Variants in SYT3 observed in about 807,000 individuals in gnomAD.
SYT3 encodes the protein synaptotagmin-3.
Under a neutral mutation model 50.6 loss-of-function variants are expected in SYT3, and 25 were observed. The ratio of observed to expected loss-of-function variants is 0.49; its 90% CI spans 0.36 to 0.69. SYT3 has a LOEUF of 0.69. Among genes scored for constraint, SYT3 ranks in the 30% least tolerant of loss-of-function variants. SYT3 has a pLI of 0.00. For missense variants in SYT3, 589 were observed against 793.6 expected (o/e 0.74, Z 3.10); for synonymous variants, 323 against 353.9 (o/e 0.91, Z 0.98).
intron 4 of SYT3, among the ~76,000 whole-genome samples, chr19:50,630,645 A>C (rs1984269079): frequency 2.0e-5 from 3 of 151,282 alleles, no homozygotes; most frequent in South Asian, 4.2e-4. Context: ...CTGGTCTTAA[A>C]CTCCTGACCT....
In SYT3 at chr19:50,625,015, C is replaced by T; in HGVS notation, c.1707+147G>A. 2.3e-6 allele frequency: 2 copies of T among 851,802 alleles called. No homozygotes were observed. The highest frequency in any genetic ancestry group is 3.2e-6 in the Non-Finnish European group (2 of 617,440). The allele number at this position is 851,802 out of a possible 1,614,324, so 52.8% of individuals were successfully genotyped here. On this transcript the variant is annotated intron_variant, in intron 9 of 10. Transcript: ENST00000600079. This position sits in a 1 kb window ranked among gnomAD's most constrained non-coding sequence, Gnocchi z 7.5. Reference sequence around the variant, plus strand: ...GAGCGCTTGGGTAACTGGCTCTAAGCCGCACAGCTAAAGTTGGCACAGCAG... The same window carrying T: ...GAGCGCTTGGGTAACTGGCTCTAAGTCGCACAGCTAAAGTTGGCACAGCAG...
chr19:50,657,318 C>G, the SYT3 span, among the ~76,000 whole-genome samples: 1 of 152,214 alleles, frequency 6.6e-6, no homozygotes, highest in Non-Finnish European at 1.5e-5. Flanking sequence ...ACTCTCCAGC[C>G]TCCCCTCTCA....
Position 50,625,080 on chromosome 19 carries a change from C to G in SYT3, c.1707+82G>C. 7.3e-7 allele frequency: 1 copy of G among 1,364,830 alleles called. No individual in the cohort carries two copies. The highest frequency in any genetic ancestry group is 9.5e-7 in the Non-Finnish European group (1 of 1,049,214). The allele number at this position is 1,364,830 out of a possible 1,614,324, so 84.5% of individuals were successfully genotyped here. On this transcript the variant is annotated intron_variant, in intron 9 of 10. Transcript: ENST00000600079. The surrounding 1 kb of genome is among the most constrained non-coding windows in gnomAD (Gnocchi z 7.5). Reference sequence around the variant, plus strand: ...GACGCCTGGCTCTGCGACTCACGAACATGCAGGGCGTTCGTTGCATGGATG... The same window carrying G: ...GACGCCTGGCTCTGCGACTCACGAAGATGCAGGGCGTTCGTTGCATGGATG...
chr19:50,643,882 G>C (rs1320928314), upstream of SYT3, among the ~76,000 whole-genome samples: 3 of 152,156 alleles, frequency 2.0e-5, no homozygotes, highest in African/African-American at 4.8e-5. Context: ...CTGTGTGTTT[G>C]AGAGAGGTCA....
rs1255294263 is a variant in SYT3, at chr19:50,639,340, G to A, written c.-153-178C>T. 2 of 152,182 alleles carry A rather than the reference G, an allele frequency of 1.3e-5. No individual in the cohort carries two copies. Among genetic ancestry groups the A allele is most frequent in the Non-Finnish European group, 2.9e-5 (2 of 68,070 alleles). The allele number at this position is 152,182 out of a possible 1,614,324, so 9.4% of individuals were successfully genotyped here. The stretch of plus-strand genomic sequence containing the variant: ...GCAGGTCTCGCGCTCGCGCTGCTGC[G>A]GCTTCATAGACCCGGCGCTGCAGGA... On this transcript the variant is annotated intron_variant, in intron 1 of 10. Coordinates refer to ENST00000600079, the MANE Select transcript of SYT3 (RefSeq NM_001160329.2). This position sits in a 1 kb window ranked among gnomAD's most constrained non-coding sequence, Gnocchi z 4.6.
the SYT3 span, among the ~76,000 whole-genome samples, chr19:50,651,510 T>A: frequency 1.3e-5 from 2 of 152,072 alleles, no homozygotes; most frequent in African/African-American, 4.8e-5. Context: ...CAGAGGTGTG[T>A]CTCATTCATC....
At chr19:50,635,380 C>A (rs1399402951) in intron 3 of SYT3, among the ~76,000 whole-genome samples, 3 of 152,152 alleles carry the variant, frequency 2.0e-5, no homozygotes, top group African/African-American at 7.2e-5. Flanking sequence ...TGATTCAGAC[C>A]CTGTCCAACT....
At chr19:50,641,125 C>T (rs891920535), upstream of SYT3, among the ~76,000 whole-genome samples, 1 of 150,902 alleles carries the variant, frequency 6.6e-6, no homozygotes, top group Admixed American at 6.6e-5. Context: ...TGTAGTCCCA[C>T]CTACGCAGGA....
chr19:50,644,116 G>A (rs149925214), upstream of SYT3, among the ~76,000 whole-genome samples: 1 of 152,346 alleles, frequency 6.6e-6, no homozygotes, highest in African/African-American at 2.4e-5. Flanking sequence ...CCAGCTGCCT[G>A]GCACAGTACC....
rs535762614 is a variant in SYT3 at position 50,632,932 on chromosome 19, C to T, written c.149-121G>A. On this transcript the variant is annotated intron_variant, in intron 3 of 10. Transcript: ENST00000600079. This position sits in a 1 kb window ranked among gnomAD's most constrained non-coding sequence, Gnocchi z 4.7. Reference sequence around the variant, plus strand: ...GCAATTGTCCATGCAATTGCAAGTGCCAGGCACTTTACATGTATTACTTAA... The same window carrying T: ...GCAATTGTCCATGCAATTGCAAGTGTCAGGCACTTTACATGTATTACTTAA... 8 of 724,496 alleles carry T rather than the reference C, an allele frequency of 1.1e-5. No individual in the cohort carries two copies. The East Asian group carries it at 2.0e-4, about 18-fold the overall frequency. The allele number at this position is 724,496 out of a possible 1,614,324, so 44.9% of individuals were successfully genotyped here. A position where few individuals can be genotyped will look rare whatever the true frequency, so the allele number is the denominator to read the frequency against.
intron 3 of SYT3, among the ~76,000 whole-genome samples, chr19:50,635,114 T>C (rs913147060): frequency 6.6e-6 from 1 of 151,996 alleles, no homozygotes; most frequent in African/African-American, 2.4e-5. Flanking sequence ...GATAGGGTTT[T>C]ACCATGGATG....
At chr19:50,624,992 G>A (rs988396166) in intron 9 of SYT3, 170 bp downstream of exon 9, 20 of 561,666 alleles carry the variant, frequency 3.6e-5, no homozygotes, top group Non-Finnish European at 2.8e-6. Flanking sequence ...GAGGCACAGA[G>A]CGCTTGGGTA....
chr19:50,645,951 G>C, the SYT3 span, among the ~76,000 whole-genome samples: 1 of 152,034 alleles, frequency 6.6e-6, no homozygotes, highest in East Asian at 1.9e-4. Flanking sequence ...TCCAGAGACA[G>C]GTAGAGAGAA....
chr19:50,630,943 ACT>A (rs1984279498), intron 4 of SYT3, among the ~76,000 whole-genome samples: 1 of 150,662 alleles, frequency 6.6e-6, no homozygotes, highest in African/African-American at 2.4e-5. Flanking sequence ...CCTCTCCTGG[ACT>A]CTCAGCCTCC....
At chr19:50,656,029 C>T in the SYT3 span, 1 of 1,535,418 alleles carries the variant, frequency 6.5e-7, no homozygotes, top group South Asian at 1.2e-5. Context: ...GGGCAGCTGA[C>T]ACTGGGTTCT....
At chr19:50,647,448 G>A in the SYT3 span, among the ~76,000 whole-genome samples, 14 of 152,062 alleles carry the variant, frequency 9.2e-5, no homozygotes, top group Non-Finnish European at 8.8e-5. Context: ...CACTTTGGGA[G>A]GCTGAGGTGG....
In SYT3 at chr19:50,637,367, G is replaced by A; in HGVS notation, c.45C>T (p.Ile15=). Residue 15 remains isoleucine, a synonymous_variant, in exon 3 of 11, where the codon ATC becomes ATT. Coordinates refer to ENST00000600079, the MANE Select transcript of SYT3 (RefSeq NM_001160329.2). The surrounding 1 kb of genome is among the most constrained non-coding windows in gnomAD (Gnocchi z 4.9). ...YEDDLCRRAL[I]LVSDLCARVR... The stretch of plus-strand genomic sequence containing the variant: ...CCCGCGCACAGAGGTCCGAGACCAG[G>A]ATGAGTGCCCGCCGGCAGAGGTCAT... 6.2e-7 allele frequency: 1 copy of A among 1,610,704 alleles called. No individual in the cohort carries two copies. Among genetic ancestry groups the A allele is most frequent in the Non-Finnish European group, 8.5e-7 (1 of 1,178,518 alleles).
At chr19:50,652,353 C>A in the SYT3 span, among the ~76,000 whole-genome samples, 1 of 152,150 alleles carries the variant, frequency 6.6e-6, no homozygotes, top group African/African-American at 2.4e-5. Flanking sequence ...CAAGTCCCTG[C>A]CCTTACGTTG....
chr19:50,646,341 G>T, the SYT3 span, among the ~76,000 whole-genome samples: 2 of 152,212 alleles, frequency 1.3e-5, no homozygotes, highest in African/African-American at 4.8e-5. Flanking sequence ...TGATGCCAGA[G>T]CCCATGTTCT....
Sources: gnomAD v4.1 joint callset for allele counts (sites outside exome capture counted in the v4.1 genomes callset) on GRCh38, gnomAD v4.1.1 for gene constraint, Gnocchi (gnomAD v3.1) non-coding constraint, MANE v1.5 for transcripts, NCBI Gene and HGNC (gene_info 2026-07-23, HGNC 2026-07-21) for gene names.